The following WWOX variants were observed in gnomAD, a reference collection of about 807,000 sequenced individuals.
The protein encoded by WWOX is WW domain-containing oxidoreductase.
In WWOX, 69 loss-of-function variants were observed where a neutral mutation model predicts 46.2. The observed-to-expected ratio is 1.49, with a 90% CI of 1.23 to 1.82. The LOEUF is 1.82. Among genes scored for constraint, WWOX ranks in the 40% most tolerant of loss-of-function variants. The pLI, the probability that WWOX is intolerant of heterozygous loss-of-function variation, is 0.00. For missense variants in WWOX, 919 were observed against 542.6 expected, an observed-to-expected ratio of 1.69 and a Z score of -6.89; for synonymous variants, 359 against 202.6, an observed-to-expected ratio of 1.77 and a Z score of -6.56.
intron 8 of WWOX, among the ~76,000 whole-genome samples, chr16:78,921,904 A>G (rs922911243): frequency 1.3e-5 from 2 of 152,228 alleles, no homozygotes; most frequent in Non-Finnish European, 2.9e-5. Flanking sequence ...TTACAGTTAC[A>G]GTTTATTACA....
intron 8 of WWOX, among the ~76,000 whole-genome samples, chr16:79,100,323 A>C (rs1340416511): frequency 6.6e-6 from 1 of 152,184 alleles, no homozygotes; most frequent in Non-Finnish European, 1.5e-5. Flanking sequence ...TTTGTTCCTA[A>C]AACATAAGAT....
At chr16:79,150,813 A>T (rs1325247666) in intron 8 of WWOX, among the ~76,000 whole-genome samples, 3 of 152,148 alleles carry the variant, frequency 2.0e-5, no homozygotes, top group Admixed American at 6.5e-5. Flanking sequence ...AGCTTAAGTT[A>T]TCCGATTTGT....
At chr16:79,115,848 G>A (rs1014745061) in intron 8 of WWOX, among the ~76,000 whole-genome samples, 1 of 152,178 alleles carries the variant, frequency 6.6e-6, no homozygotes, top group African/African-American at 2.4e-5. Context: ...ACCCAATTCG[G>A]ATGTGTTAGA....
chr16:78,952,992 G>T (rs74032450), intron 8 of WWOX, among the ~76,000 whole-genome samples: 7,280 of 150,024 alleles, frequency 0.049, 481 homozygotes, highest in African/African-American at 0.15. Flanking sequence ...GAAAAATCAC[G>T]CATTTCTCTG....
intron 8 of WWOX, among the ~76,000 whole-genome samples, chr16:79,011,901 G>T (rs567467571): frequency 3.3e-5 from 5 of 152,096 alleles, no homozygotes; most frequent in Admixed American, 2.6e-4. Context: ...TGATCCTCCC[G>T]CCTCAGCCTC....
At chr16:78,102,673 C>T (rs1462266337) in intron 1 of WWOX, among the ~76,000 whole-genome samples, 2 of 152,224 alleles carry the variant, frequency 1.3e-5, no homozygotes, top group Non-Finnish European at 2.9e-5. Context: ...CGACCTTGTA[C>T]TAGTCACCTT....
At chr16:78,377,060 T>G (rs182897657) in intron 5 of WWOX, among the ~76,000 whole-genome samples, 5 of 152,360 alleles carry the variant, frequency 3.3e-5, no homozygotes, top group African/African-American at 1.2e-4. Context: ...GGGCACTGAT[T>G]TTTCTTTTAT....
intron 8 of WWOX, among the ~76,000 whole-genome samples, chr16:79,083,233 C>G (rs1168415913): frequency 6.6e-6 from 1 of 152,152 alleles, no homozygotes; most frequent in Non-Finnish European, 1.5e-5. Flanking sequence ...TAAGCATTGC[C>G]ATTGCCATGT....
chr16:78,815,645 C>T (rs767032026), intron 8 of WWOX, among the ~76,000 whole-genome samples: 8 of 152,180 alleles, frequency 5.3e-5, no homozygotes, highest in Non-Finnish European at 1.0e-4. Flanking sequence ...TCGTCTGAGC[C>T]ATGGCTCCTT....
At chr16:78,862,044 TTA>T (rs940370315) in intron 8 of WWOX, among the ~76,000 whole-genome samples, 2 of 144,308 alleles carry the variant, frequency 1.4e-5, no homozygotes, top group East Asian at 1.9e-4. Flanking sequence ...CATGTATCTA[TTA>T]TATATATAGA....
At chr16:78,733,410 A>G (rs2049010748) in intron 8 of WWOX, among the ~76,000 whole-genome samples, 1 of 152,080 alleles carries the variant, frequency 6.6e-6, no homozygotes, top group South Asian at 2.1e-4. Flanking sequence ...AGCTACAATC[A>G]TACCACTGCA....
At chr16:78,703,491 C>A (rs1331296067) in intron 8 of WWOX, among the ~76,000 whole-genome samples, 1 of 151,798 alleles carries the variant, frequency 6.6e-6, no homozygotes, top group African/African-American at 2.4e-5. Context: ...TGGCTTGCAC[C>A]TGTAGCTCCA....
intron 8 of WWOX, among the ~76,000 whole-genome samples, chr16:78,508,825 G>T (rs922688703): frequency 6.6e-6 from 1 of 152,120 alleles, no homozygotes; most frequent in African/African-American, 2.4e-5. Context: ...GGTCAGAAGG[G>T]GTGATTACTG....
At chr16:78,277,517 CAT>C (rs901108704) in intron 5 of WWOX, among the ~76,000 whole-genome samples, 1 of 151,782 alleles carries the variant, frequency 6.6e-6, no homozygotes, top group African/African-American at 2.4e-5. Flanking sequence ...GGAATATTAA[CAT>C]AGCATCTTGT....
chr16:78,537,590 C>A (rs1413425795), intron 8 of WWOX, among the ~76,000 whole-genome samples: 1 of 151,982 alleles, frequency 6.6e-6, no homozygotes, highest in Non-Finnish European at 1.5e-5. Context: ...CACTGGGAAC[C>A]AATTCATCTG....
At chr16:78,617,050 G>A (rs2046042931) in intron 8 of WWOX, among the ~76,000 whole-genome samples, 1 of 152,142 alleles carries the variant, frequency 6.6e-6, no homozygotes, top group African/African-American at 2.4e-5. Flanking sequence ...TCTCTAACAT[G>A]CACATGGCCA....
chr16:79,002,816 G>A (rs113424616), intron 8 of WWOX, among the ~76,000 whole-genome samples: 14 of 152,114 alleles, frequency 9.2e-5, no homozygotes, highest in Non-Finnish European at 1.8e-4. Flanking sequence ...CAAAACCCAT[G>A]CTCATAATCA....
intron 6 of WWOX, among the ~76,000 whole-genome samples, chr16:78,414,141 C>A (rs2082745047): frequency 1.3e-5 from 2 of 151,858 alleles, no homozygotes; most frequent in Admixed American, 6.6e-5. Context: ...TGACCCCCGC[C>A]CCTGCCTGCA....
chr16:78,799,404 T>G (rs879836719), intron 8 of WWOX, among the ~76,000 whole-genome samples: 4 of 152,220 alleles, frequency 2.6e-5, no homozygotes, highest in Non-Finnish European at 5.9e-5. Flanking sequence ...TGCTGGATTT[T>G]TAAGAACTTA....
Sources: allele counts gnomAD v4.1 joint callset (sites outside exome capture counted in the v4.1 genomes callset), GRCh38; gene constraint gnomAD v4.1.1; transcripts MANE v1.5; gene names NCBI Gene and HGNC (gene_info 2026-07-23, HGNC 2026-07-21).